DHRS2: variants seen among roughly 807,000 people sequenced by gnomAD.
DHRS2 encodes the protein dehydrogenase/reductase SDR family member 2, mitochondrial.
A neutral mutation model predicts 26.3 loss-of-function variants in DHRS2; 29 were observed. The ratio of observed to expected loss-of-function variants is 1.10; its 90% CI spans 0.82 to 1.50. The LOEUF is 1.50. Among genes scored for constraint, DHRS2 ranks in the 40% most tolerant of loss-of-function variants. The probability of loss-of-function intolerance (pLI) is 0.00; values close to 1 mark genes in which losing one functional copy is unlikely to be tolerated. For synonymous variants in DHRS2, 164 were observed against 151.3 expected, an observed-to-expected ratio of 1.08 and a Z score of -0.62; for missense variants, 439 against 367.1, an observed-to-expected ratio of 1.20 and a Z score of -1.60.
At position 23,644,550 on chromosome 14, in the gene DHRS2, A is replaced by G; in HGVS notation, c.675+7A>G. The G allele has an allele frequency of 6.2e-7, 1 of 1,614,176 alleles. No individual in the cohort carries two copies. The highest frequency in any genetic ancestry group is 8.5e-7 in the Non-Finnish European group (1 of 1,180,028). On this transcript the variant is annotated splice_region_variant and intron_variant, in intron 7 of 8. Coordinates refer to ENST00000250383, the MANE Select transcript of DHRS2 (RefSeq NM_005794.4). ...AACTGACTTCAGCAAAGTGGTGAGG[A>G]TTGGGTGTGTCTTCCATCTCCCAGT...
At chr14:23,634,511 T>C (rs1249811907), upstream of DHRS2, among the ~76,000 whole-genome samples, 1 of 152,180 alleles carries the variant, frequency 6.6e-6, no homozygotes, top group Non-Finnish European at 1.5e-5. Context: ...AGAATTGTTT[T>C]ACCTGTTGTT....
rs1315772152 is a variant in DHRS2, at chr14:23,643,155, C to T, written c.424C>T (p.Leu142=). The T allele has an allele frequency of 1.3e-5, 21 of 1,613,882 alleles. No individual in the cohort carries two copies. The highest frequency in any genetic ancestry group is 1.8e-5 in the Non-Finnish European group (21 of 1,179,980). Residue 142 remains leucine, a synonymous_variant, in exon 5 of 9, where the codon CTA becomes TTA. Coordinates refer to ENST00000250383, the MANE Select transcript of DHRS2 (RefSeq NM_005794.4). ...CCATGCTCTGCTCTGATTTCAGATC[C>T]TAAGTGTGAACGTGAAGTCCCCAGC... ...GTSEQIWDKI[L]SVNVKSPALL... is the part of the protein sequence containing the mutation.
At chr14:23,641,903 A>G (rs1226460578) in intron 4 of DHRS2, 1 of 1,209,922 alleles carries the variant, frequency 8.3e-7, no homozygotes, top group Admixed American at 3.1e-5. Flanking sequence ...GATGCAGCTG[A>G]CCTGAATCAG....
At chr14:23,640,091 A>C in intron 4 of DHRS2, 196 bp downstream of exon 4, 2 of 694,040 alleles carry the variant, frequency 2.9e-6, no homozygotes, top group East Asian at 3.7e-5. Context: ...TGGTTCTTAA[A>C]TCTGGCCCCC....
At chr14:23,631,476 T>C (rs1209429011), upstream of DHRS2, among the ~76,000 whole-genome samples, 1 of 152,148 alleles carries the variant, frequency 6.6e-6, no homozygotes, top group East Asian at 1.9e-4. Context: ...TTATTCTCTT[T>C]TCTGATTTTC....
upstream of DHRS2, among the ~76,000 whole-genome samples, chr14:23,632,574 A>G (rs1890150219): frequency 1.3e-5 from 2 of 152,236 alleles, no homozygotes; most frequent in Non-Finnish European, 2.9e-5. Flanking sequence ...CTGATATTTA[A>G]TAGACAGTTT....
chr14:23,643,098 G>A, intron 4 of DHRS2, 54 bp from the exon 5 acceptor site: 18 of 1,582,260 alleles, frequency 1.1e-5, no homozygotes, highest in East Asian at 2.2e-5. Context: ...ATGAGAGCAG[G>A]ACTTGGGCTG....
In DHRS2 at chr14:23,638,871, T is replaced by C. The variant is rs765528019; in HGVS notation, c.7T>C (p.Ser3Pro). 2.5e-6 allele frequency: 4 copies of C among 1,613,848 alleles called. No individual in the cohort carries two copies. In the African/African-American group the frequency reaches 5.3e-5, roughly 22 times the overall value. ...ATCTCAGACACCAACCACTATGCTG[T>C]CAGCAGTTGCCCGGGGCTACCAGGG... ML[S>P]AVARGYQGWF... is the part of the protein sequence containing the mutation. Residue 3 changes from serine to proline, a missense_variant, in exon 2 of 9, where the codon TCA becomes CCA. Physicochemically the swap from Ser to Pro is moderately conservative, Grantham distance 74 (BLOSUM62 -1). Coordinates refer to ENST00000250383, the MANE Select transcript of DHRS2 (RefSeq NM_005794.4).
upstream of DHRS2, among the ~76,000 whole-genome samples, chr14:23,634,219 C>A (rs925601622): frequency 2.3e-4 from 35 of 152,112 alleles, no homozygotes; most frequent in Middle Eastern, 3.4e-3. Flanking sequence ...AGGCATGCGC[C>A]ACCACACCTG....
chr14:23,638,800 A>C, intron 1 of DHRS2, 27 bp from the exon 2 acceptor site: 1 of 1,576,220 alleles, frequency 6.3e-7, no homozygotes, highest in Non-Finnish European at 8.6e-7. Context: ...GGCATCAGTG[A>C]TAAGTGAAAT....
At chr14:23,633,689 T>TGG (rs1204927532), upstream of DHRS2, among the ~76,000 whole-genome samples, 1 of 152,204 alleles carries the variant, frequency 6.6e-6, no homozygotes, top group East Asian at 1.9e-4. Context: ...CTCTGCTTCC[T>TGG]GGCTAGGATA....
At chr14:23,635,975 C>T (rs575494048), upstream of DHRS2, among the ~76,000 whole-genome samples, 47 of 152,340 alleles carry the variant, frequency 3.1e-4, no homozygotes, top group Middle Eastern at 6.8e-3. Context: ...GAGGTGAAGC[C>T]GGCTGGGCTT....
At chr14:23,641,400 C>G in intron 4 of DHRS2, 1 of 297,894 alleles carries the variant, frequency 3.4e-6, no homozygotes, top group Non-Finnish European at 6.4e-6. Flanking sequence ...CTTTCAGGCT[C>G]ATGGATAGTT....
chr14:23,640,156 G>A, intron 4 of DHRS2: 1 of 711,590 alleles, frequency 1.4e-6, no homozygotes, highest in African/African-American at 1.9e-5. Flanking sequence ...TCATTCAGCA[G>A]GTATTTATTG....
chr14:23,645,446 T>A lies in DHRS2; in HGVS notation c.*193T>A. The A allele has an allele frequency of 8.4e-7, 1 of 1,186,802 alleles. No individual in the cohort carries two copies. Among genetic ancestry groups the A allele is most frequent in the Non-Finnish European group, 1.2e-6 (1 of 862,634 alleles). 73.5% of individuals were successfully genotyped at this position (1,186,802 alleles called of 1,614,324 possible). A position where few individuals can be genotyped will look rare whatever the true frequency, so the allele number is the denominator to read the frequency against. ...CTTAGGACTTATCTGCTTGTAGATT[T>A]GGCTGATCCAATTAACATGTGGGGT... On this transcript the variant is annotated 3_prime_UTR_variant, in exon 9 of 9. Coordinates refer to ENST00000250383, the MANE Select transcript of DHRS2 (RefSeq NM_005794.4).
chr14:23,637,125 T>G (rs1290239326), intron 1 of DHRS2, among the ~76,000 whole-genome samples: 1 of 151,272 alleles, frequency 6.6e-6, no homozygotes, highest in African/African-American at 2.5e-5. Context: ...GACTCACCTA[T>G]CTATCCTATC....
Position 23,639,274 on chromosome 14 carries a change from A to G in DHRS2, c.236A>G (p.Lys79Arg). The G allele has an allele frequency of 6.2e-7, 1 of 1,611,350 alleles. No individual in the cohort carries two copies. ...CAGAACGTGGACCGGGCCATGGCCA[A>G]GCTGCAGGGGGAGGGGCTGAGTGTG... ...KQQNVDRAMA[K>R]LQGEGLSVAG... is the part of the protein sequence containing the mutation. Residue 79 changes from lysine to arginine, a missense_variant, in exon 3 of 9, where the codon AAG (lysine) becomes AGG (arginine). Physicochemically the swap from Lys to Arg is conservative, Grantham distance 26 (BLOSUM62 2). Transcript: ENST00000250383.
chr14:23,633,581 C>T (rs1325175872), upstream of DHRS2, among the ~76,000 whole-genome samples: 1 of 152,154 alleles, frequency 6.6e-6, no homozygotes, highest in East Asian at 1.9e-4. Context: ...GATTAGCTCA[C>T]CAGCCTTATT....
At chr14:23,644,734 A>C (rs1890806418) in intron 7 of DHRS2, 93 bp from the exon 8 acceptor site, 2 of 1,507,492 alleles carry the variant, frequency 1.3e-6, no homozygotes, top group Admixed American at 3.4e-5. Context: ...AGAAGGGCAA[A>C]GCTGCCCTAG....
Sources: gnomAD v4.1 joint callset for allele counts (sites outside exome capture counted in the v4.1 genomes callset) on GRCh38, gnomAD v4.1.1 for gene constraint, MANE v1.5 for transcripts, NCBI Gene and HGNC (gene_info 2026-07-23, HGNC 2026-07-21) for gene names.